Variants in ZNF445 observed in about 807,000 individuals in gnomAD.
ZNF445 encodes zinc finger protein 168.
In ZNF445, 19 loss-of-function variants were observed where a neutral mutation model predicts 93.9. The observed-to-expected ratio is 0.20, with a 90% CI of 0.14 to 0.30. ZNF445 has a LOEUF of 0.30. Ranked by LOEUF, ZNF445 falls within the 10% of genes least tolerant of loss-of-function variation. The probability of loss-of-function intolerance (pLI) is 1.00; values close to 1 mark genes in which losing one functional copy is unlikely to be tolerated. For missense variants in ZNF445, 1,058 were observed against 1,259.4 expected (o/e 0.84, Z 2.42); for synonymous variants, 449 against 446.3 (o/e 1.01, Z -0.08).
chr3:44,473,171 A>G (rs189891099), intron 1 of ZNF445, among the ~76,000 whole-genome samples: 3 of 152,256 alleles, frequency 2.0e-5, no homozygotes, highest in Admixed American at 2.0e-4. Context: ...TTAAGAAAAA[A>G]TGCAGGCCGG....
At chr3:44,458,146 G>T (rs1028241872) in intron 2 of ZNF445, 98 bp downstream of exon 2, 1 of 152,082 alleles carries the variant, frequency 6.6e-6, no homozygotes, top group Non-Finnish European at 1.5e-5. Context: ...CAAGGCAGGC[G>T]GATCACGAGG....
chr3:44,474,019 C>G (rs1245761767), intron 1 of ZNF445, among the ~76,000 whole-genome samples: 1 of 152,180 alleles, frequency 6.6e-6, no homozygotes. Flanking sequence ...AATCCCAACA[C>G]CACAGTAGTC....
intron 4 of ZNF445, 72 bp from the exon 5 acceptor site, chr3:44,451,034 A>G (rs1697949754): frequency 7.8e-7 from 1 of 1,285,736 alleles, no homozygotes; most frequent in East Asian, 2.5e-5. Context: ...TCTTCCCCCC[A>G]GTAGAGGACT....
rs1181672274 is a variant in ZNF445, at chr3:44,447,155, C to T, written c.2516G>A (p.Arg839His). ...TTTCCCACATTCTTGACACCAAAAA[C>T]GTTTCTCACCAGTGAGGATTTTTGG... Reference protein sequence around the residue: ...VEPKILTGEKRFWCQECGKTF... With the variant: ...VEPKILTGEKHFWCQECGKTF... The change falls in exon 8 of 8, where the codon CGT becomes CAT. Residue 839 changes from arginine to histidine, a missense_variant. Coordinates refer to ENST00000396077, the MANE Select transcript of ZNF445 (RefSeq NM_181489.6). The surrounding 1 kb of genome is among the most constrained non-coding windows in gnomAD (Gnocchi z 4.7). 3.1e-6 allele frequency: 5 copies of T among 1,614,212 alleles called. No individual in the cohort carries two copies. The highest frequency in any genetic ancestry group is 1.3e-5 in the African/African-American group (1 of 75,050).
intron 1 of ZNF445, among the ~76,000 whole-genome samples, chr3:44,477,013 G>A (rs939591334): frequency 6.6e-6 from 1 of 152,156 alleles, no homozygotes; most frequent in Non-Finnish European, 1.5e-5. Context: ...TTAAAAAGCA[G>A]TAGTATGGAT....
chr3:44,463,667 T>C (rs771840560), intron 1 of ZNF445, among the ~76,000 whole-genome samples: 4 of 152,172 alleles, frequency 2.6e-5, no homozygotes, highest in Non-Finnish European at 5.9e-5. Context: ...TATGGAGGGA[T>C]ACTTGACTCT....
In ZNF445 at chr3:44,451,303, GC is replaced by G. The variant is rs765479448; in HGVS notation, c.598+10del. The G allele has an allele frequency of 1.5e-5, 24 of 1,610,982 alleles. No homozygotes were observed. Among genetic ancestry groups the G allele is most frequent in the Non-Finnish European group, 2.0e-5 (24 of 1,177,454 alleles). ...CATAAGGCTGGGGTCTTAAGGCCAG[GC>G]AGCAAGTACCGGATTGCCCAGCCAG... On this transcript the variant is annotated intron_variant, in intron 4 of 7. Coordinates refer to ENST00000396077, the MANE Select transcript of ZNF445 (RefSeq NM_181489.6).
chr3:44,448,275 A>C lies in ZNF445; in HGVS notation c.1396T>G (p.Phe466Val). 6.2e-7 allele frequency: 1 copy of C among 1,614,124 alleles called. No homozygotes were observed. Among genetic ancestry groups the C allele is most frequent in the East Asian group, 2.2e-5 (1 of 44,868 alleles). The change falls in exon 8 of 8, where the codon TTC becomes GTC. Residue 466 changes from phenylalanine (F) to valine (V), a missense_variant. Phe to Val is a conservative substitution (Grantham distance 50, BLOSUM62 -1). Transcript: ENST00000396077. Reference protein sequence around the residue: ...GNKKDVCGKDFSLSSHHQRGQ... With the variant: ...GNKKDVCGKDVSLSSHHQRGQ... ...CGTTGGTGATGAGAGCTAAGGCTGA[A>C]GTCTTTTCCACACACGTCCTTTTTG...
intron 1 of ZNF445, among the ~76,000 whole-genome samples, chr3:44,466,339 G>A (rs572902116): frequency 4.6e-4 from 70 of 152,054 alleles, no homozygotes; most frequent in Non-Finnish European, 4.9e-4. Flanking sequence ...TAATATTTTA[G>A]ATATTAGGTC....
At position 44,432,190 on chromosome 3, in the gene ZNF445, T is replaced by C. The variant is rs1697564120; in HGVS notation, c.*14385A>G. On this transcript the variant is annotated 3_prime_UTR_variant, in exon 8 of 8. Coordinates refer to ENST00000396077, the MANE Select transcript of ZNF445 (RefSeq NM_181489.6). ...TGAGATTACAGGCGTTGAGCCACCA[T>C]GCCCAGCCCTTGAAATTTAAATTTC... 6.6e-6 allele frequency: 1 copy of C among 152,152 alleles called. No individual in the cohort carries two copies. The allele number at this position is 152,152 out of a possible 1,614,324, so 9.4% of individuals were successfully genotyped here.
intron 5 of ZNF445, 129 bp downstream of exon 5, chr3:44,450,739 C>G: frequency 7.8e-7 from 1 of 1,277,320 alleles, no homozygotes. Flanking sequence ...GGGGGATAAT[C>G]TGGTCTCTGG....
At chr3:44,463,631 T>C (rs1320107864) in intron 1 of ZNF445, among the ~76,000 whole-genome samples, 1 of 152,166 alleles carries the variant, frequency 6.6e-6, no homozygotes, top group Admixed American at 6.5e-5. Flanking sequence ...GTAGGAAATA[T>C]ACTTTAAGGG....
intron 3 of ZNF445, among the ~76,000 whole-genome samples, chr3:44,454,405 C>A (rs578133849): frequency 2.0e-3 from 307 of 152,258 alleles, no homozygotes; most frequent in Non-Finnish European, 3.3e-3. Flanking sequence ...ACTTTGTATA[C>A]TGTAAGCCAC....
At chr3:44,455,947 T>G (rs559870370) in intron 2 of ZNF445, among the ~76,000 whole-genome samples, 1 of 152,082 alleles carries the variant, frequency 6.6e-6, no homozygotes, top group South Asian at 2.1e-4. Context: ...TCAGAGAAGA[T>G]CTAAATAAAT....
intron 1 of ZNF445, among the ~76,000 whole-genome samples, chr3:44,477,376 G>T (rs1052988665): frequency 1.3e-5 from 2 of 152,218 alleles, no homozygotes; most frequent in Admixed American, 1.3e-4. Flanking sequence ...CCGGGCTCCA[G>T]ATTCTCTACC....
intron 1 of ZNF445, among the ~76,000 whole-genome samples, chr3:44,460,537 C>T (rs984994173): frequency 6.6e-6 from 1 of 152,200 alleles, no homozygotes; most frequent in Non-Finnish European, 1.5e-5. Flanking sequence ...TGGCACAACC[C>T]AGATCAATAA....
chr3:44,463,433 T>C (rs1698147525), intron 1 of ZNF445, among the ~76,000 whole-genome samples: 1 of 152,068 alleles, frequency 6.6e-6, no homozygotes. Context: ...ACAGACCCCG[T>C]TTTGGGGGAA....
intron 1 of ZNF445, among the ~76,000 whole-genome samples, chr3:44,475,789 G>A (rs190941007): frequency 6.4e-4 from 98 of 151,968 alleles, no homozygotes; most frequent in African/African-American, 1.9e-3. Context: ...ACCTGAGGTC[G>A]GGAGTTCGAG....
intron 1 of ZNF445, among the ~76,000 whole-genome samples, chr3:44,460,118 A>G (rs937285952): frequency 6.6e-6 from 1 of 152,234 alleles, no homozygotes; most frequent in Admixed American, 6.5e-5. Flanking sequence ...TGTACACTAG[A>G]GCACTCTGTA....
Sources: allele counts gnomAD v4.1 joint callset (sites outside exome capture counted in the v4.1 genomes callset), GRCh38; gene constraint gnomAD v4.1.1; non-coding constraint Gnocchi (gnomAD v3.1); transcripts MANE v1.5; gene names NCBI Gene and HGNC (gene_info 2026-07-23, HGNC 2026-07-21).